MAF: variants seen among roughly 807,000 people sequenced by gnomAD.
MAF encodes transcription factor Maf.
MAF carries 10 observed loss-of-function variants against 22.0 expected under a neutral mutation model. That is an observed-to-expected ratio of 0.45 (90% confidence interval 0.28 to 0.77). MAF has a LOEUF of 0.77. MAF is among the 30% of genes least tolerant of loss of function. The probability of loss-of-function intolerance (pLI) is 0.12; values close to 1 mark genes in which losing one functional copy is unlikely to be tolerated. For missense variants in MAF, 544 were observed against 548.4 expected (o/e 0.99, Z 0.08); for synonymous variants, 337 against 255.8 (o/e 1.32, Z -3.03).
chr16:79,481,634 A>T, the MAF span, among the ~76,000 whole-genome samples: 1 of 150,178 alleles, frequency 6.7e-6, no homozygotes, highest in Non-Finnish European at 1.5e-5. Flanking sequence ...CCATCTACCC[A>T]TCCACCCACC....
chr16:79,439,294 C>T, the MAF span, among the ~76,000 whole-genome samples: 2 of 135,204 alleles, frequency 1.5e-5, no homozygotes, highest in African/African-American at 5.7e-5. Context: ...CGGAGTCTTG[C>T]TCTGCCACCC....
the MAF span, chr16:79,204,655 G>C: frequency 2.6e-5 from 4 of 152,316 alleles, no homozygotes; most frequent in African/African-American, 9.6e-5. Context: ...CACAGGCCCT[G>C]AGAGCGTACC....
chr16:79,435,060 C>A, the MAF span, among the ~76,000 whole-genome samples: 1 of 152,306 alleles, frequency 6.6e-6, no homozygotes, highest in South Asian at 2.1e-4. Context: ...GTTGACACAT[C>A]CCATCAACGA....
At chr16:79,336,124 G>C in the MAF span, among the ~76,000 whole-genome samples, 1 of 152,326 alleles carries the variant, frequency 6.6e-6, no homozygotes, top group Middle Eastern at 3.4e-3. Context: ...CCAAGGTCAT[G>C]AGCAGTGTAA....
At chr16:79,204,393 C>G in the MAF span, 1 of 152,144 alleles carries the variant, frequency 6.6e-6, no homozygotes, top group Non-Finnish European at 1.5e-5. Flanking sequence ...GAAGCCGTTT[C>G]TTTTTCCTTC....
the MAF span, among the ~76,000 whole-genome samples, chr16:79,373,567 G>C: frequency 6.6e-6 from 1 of 151,628 alleles, no homozygotes. Context: ...ATTTTTAGTA[G>C]AGACGGGGTT....
the MAF span, among the ~76,000 whole-genome samples, chr16:79,472,504 A>C: frequency 1.3e-5 from 2 of 152,168 alleles, no homozygotes; most frequent in South Asian, 2.1e-4. Context: ...ATACTAAGTG[A>C]AAGAAGCCAG....
chr16:79,572,596 G>C, the MAF span, among the ~76,000 whole-genome samples: 1 of 152,184 alleles, frequency 6.6e-6, no homozygotes, highest in Non-Finnish European at 1.5e-5. Flanking sequence ...ATGAATTCTA[G>C]GCAGAAGTGG....
At chr16:79,335,324 T>G in the MAF span, among the ~76,000 whole-genome samples, 1 of 152,172 alleles carries the variant, frequency 6.6e-6, no homozygotes, top group South Asian at 2.1e-4. Context: ...TCTATTTGAC[T>G]TAACTGTGCT....
chr16:79,591,531 A>G (rs1015385607), downstream of MAF, among the ~76,000 whole-genome samples: 10 of 152,262 alleles, frequency 6.6e-5, no homozygotes, highest in African/African-American at 2.4e-4. Context: ...GTGTTGAACA[A>G]GAGAAGAGGT....
chr16:79,236,272 G>T, the MAF span, among the ~76,000 whole-genome samples: 1 of 152,018 alleles, frequency 6.6e-6, no homozygotes, highest in African/African-American at 2.4e-5. Context: ...GTTAATGTTG[G>T]TGTTTGGGCA....
the MAF span, among the ~76,000 whole-genome samples, chr16:79,520,374 G>T: frequency 6.6e-6 from 1 of 152,096 alleles, no homozygotes; most frequent in Non-Finnish European, 1.5e-5. Flanking sequence ...GCAGCCATAT[G>T]ACCTCCTTCT....
chr16:79,574,236 G>A, the MAF span, among the ~76,000 whole-genome samples: 35 of 152,270 alleles, frequency 2.3e-4, no homozygotes, highest in African/African-American at 7.2e-4. Flanking sequence ...GACAGTGTGC[G>A]ATCAAGTATC....
chr16:79,294,423 G>C, the MAF span, among the ~76,000 whole-genome samples: 1 of 152,174 alleles, frequency 6.6e-6, no homozygotes. Context: ...GTGTGATCAA[G>C]AGTGAGTGTG....
At chr16:79,538,765 G>C in the MAF span, among the ~76,000 whole-genome samples, 4 of 151,910 alleles carry the variant, frequency 2.6e-5, no homozygotes, top group South Asian at 2.1e-4. Context: ...GGTGGAGGTT[G>C]CAGTGAGCTG....
At chr16:79,339,598 C>G in the MAF span, among the ~76,000 whole-genome samples, 1 of 152,064 alleles carries the variant, frequency 6.6e-6, no homozygotes, top group Non-Finnish European at 1.5e-5. Flanking sequence ...TTTATATAGC[C>G]AGGACTATTC....
the MAF span, among the ~76,000 whole-genome samples, chr16:79,295,877 T>C: frequency 6.6e-6 from 1 of 152,242 alleles, no homozygotes; most frequent in African/African-American, 2.4e-5. Flanking sequence ...CCACGTTCTT[T>C]GCCCAAGGCA....
chr16:79,426,442 C>T, the MAF span, among the ~76,000 whole-genome samples: 17 of 152,240 alleles, frequency 1.1e-4, no homozygotes, highest in East Asian at 3.9e-4. Flanking sequence ...GTGACAATTA[C>T]ATAAGAGTAT....
chr16:79,594,726 G>T (rs1176622126), intron 1 of MAF, 173 bp from the exon 2 acceptor site: 1 of 1,412,828 alleles, frequency 7.1e-7, no homozygotes, highest in African/African-American at 1.5e-5. Flanking sequence ...AAAAAAACAT[G>T]TATTTGTTTG....
Sources: gnomAD v4.1 joint callset for allele counts (sites outside exome capture counted in the v4.1 genomes callset) on GRCh38, gnomAD v4.1.1 for gene constraint, MANE v1.5 for transcripts, NCBI Gene and HGNC (gene_info 2026-07-23, HGNC 2026-07-21) for gene names.